Variants in PTK2 observed in about 807,000 individuals in gnomAD.
The protein encoded by PTK2 is focal adhesion kinase 1.
In PTK2, 45 loss-of-function variants were observed where a neutral mutation model predicts 150.1. The observed-to-expected ratio is 0.30, with a 90% CI of 0.24 to 0.38. PTK2 has a LOEUF of 0.38. Among genes scored for constraint, PTK2 ranks in the 10% least tolerant of loss-of-function variants. PTK2 has a pLI of 1.00. For missense variants in PTK2, 919 were observed against 1,307.3 expected (o/e 0.70, Z 4.58); for synonymous variants, 432 against 449.2 (o/e 0.96, Z 0.48).
intron 14 of PTK2, among the ~76,000 whole-genome samples, chr8:140,780,513 G>A (rs889920997): frequency 6.6e-6 from 1 of 152,110 alleles, no homozygotes; most frequent in African/African-American, 2.4e-5. Flanking sequence ...GCATCACAGA[G>A]ATGTAATCAG....
chr8:140,731,774 A>C (rs2100049524), intron 22 of PTK2, among the ~76,000 whole-genome samples: 1 of 152,086 alleles, frequency 6.6e-6, no homozygotes, highest in African/African-American at 2.4e-5. Flanking sequence ...TGTGGTGTGC[A>C]TGCCTGTAGT....
intron 5 of PTK2, among the ~76,000 whole-genome samples, chr8:140,849,781 TTA>T (rs1258302108): frequency 6.6e-6 from 1 of 152,240 alleles, no homozygotes; most frequent in Non-Finnish European, 1.5e-5. Context: ...ATTAGTCCTA[TTA>T]TATATAAAGA....
rs545538262 is a variant in PTK2, at chr8:140,987,814, TGGAGGATTGCTTG to T, written c.-122+13298_-122+13310del. Among the ~76,000 whole-genome samples the T allele has an allele frequency of 1.1e-4, 17 of 152,242 alleles. No homozygotes were observed. The East Asian group carries it at 2.5e-3, about 23-fold the overall frequency. ...CCCCAGCACTTTGGAATGCCAAGAC[TGGAGGATTGCTTG>T]AGCACAGGAGTTTGACACCAGCCTG... On this transcript the variant is annotated intron_variant, in intron 1 of 31. Coordinates refer to ENST00000522684, the Ensembl canonical transcript of PTK2.
At chr8:140,930,111 T>C (rs1196503905) in intron 1 of PTK2, among the ~76,000 whole-genome samples, 1 of 152,212 alleles carries the variant, frequency 6.6e-6, no homozygotes, top group African/African-American at 2.4e-5. Context: ...TTAAGGCAGT[T>C]TGAGGCTTAT....
chr8:140,885,234 T>C (rs1369926362), intron 3 of PTK2, among the ~76,000 whole-genome samples: 1 of 152,190 alleles, frequency 6.6e-6, no homozygotes, highest in Non-Finnish European at 1.5e-5. Context: ...TCAATATCTT[T>C]GTGGTTATTT....
chr8:140,897,180 T>C (rs1357159127), intron 2 of PTK2, among the ~76,000 whole-genome samples: 6 of 152,044 alleles, frequency 3.9e-5, no homozygotes, highest in African/African-American at 1.4e-4. Flanking sequence ...TACCACACAA[T>C]CCAAATATAC....
At chr8:140,796,434 C>T (rs1370672528) in intron 12 of PTK2, among the ~76,000 whole-genome samples, 1 of 152,188 alleles carries the variant, frequency 6.6e-6, no homozygotes, top group East Asian at 1.9e-4. Context: ...AGCACCACCA[C>T]CTTACTCACA....
chr8:140,797,862 G>A (rs1566594825), intron 12 of PTK2, among the ~76,000 whole-genome samples: 1 of 151,908 alleles, frequency 6.6e-6, no homozygotes, highest in Non-Finnish European at 1.5e-5. Flanking sequence ...GTCTTGCTAT[G>A]TGGCCCAGGA....
At chr8:140,805,395 C>T (rs2100097620) in intron 10 of PTK2, among the ~76,000 whole-genome samples, 1 of 151,912 alleles carries the variant, frequency 6.6e-6, no homozygotes, top group African/African-American at 2.4e-5. Flanking sequence ...CCCGTCACTA[C>T]TAAAAATACA....
intron 21 of PTK2, among the ~76,000 whole-genome samples, chr8:140,736,936 C>T (rs1025846429): frequency 3.9e-5 from 6 of 152,144 alleles, no homozygotes; most frequent in African/African-American, 1.4e-4. Flanking sequence ...AGAAGCAAAG[C>T]ATATTATCAT....
At chr8:140,799,104 G>T (rs2100093446) in intron 12 of PTK2, 1 of 152,188 alleles carries the variant, frequency 6.6e-6, no homozygotes, top group African/African-American at 2.4e-5. Context: ...CTTAGCGAAG[G>T]CTCATGGCTT....
chr8:140,683,788 T>G (rs1589949914), intron 27 of PTK2, among the ~76,000 whole-genome samples: 1 of 146,426 alleles, frequency 6.8e-6, no homozygotes, highest in Admixed American at 6.8e-5. Context: ...AAAAAAAGCT[T>G]CCAATAAAAT....
At chr8:140,699,722 T>A (rs1422111653) in intron 26 of PTK2, among the ~76,000 whole-genome samples, 1 of 152,208 alleles carries the variant, frequency 6.6e-6, no homozygotes, top group African/African-American at 2.4e-5. Flanking sequence ...ATGCTCATAT[T>A]TCTGAGCCCA....
intron 4 of PTK2, among the ~76,000 whole-genome samples, chr8:140,875,796 C>G (rs1311014159): frequency 1.3e-5 from 2 of 152,080 alleles, no homozygotes; most frequent in African/African-American, 4.8e-5. Flanking sequence ...TGATTTAATG[C>G]CCAAGGCAGG....
At chr8:140,674,898 A>AAAAAG (rs941946762) in intron 28 of PTK2, among the ~76,000 whole-genome samples, 4 of 150,114 alleles carry the variant, frequency 2.7e-5, no homozygotes, top group African/African-American at 7.3e-5. Flanking sequence ...ATTAAAAAAA[A>AAAAAG]AAAAGAAAAG....
intron 26 of PTK2, 38 bp from the exon 30 acceptor site, chr8:140,686,732 T>C: frequency 6.4e-7 from 1 of 1,567,454 alleles, no homozygotes. Flanking sequence ...AATTTCATTT[T>C]TGATTTGAAA....
intron 29 of PTK2, chr8:140,668,751 A>C: frequency 5.0e-6 from 1 of 199,934 alleles, no homozygotes; most frequent in Non-Finnish European, 1.0e-5. Flanking sequence ...CAAGATAATA[A>C]TCCATCTGGG....
chr8:140,739,951 G>A (rs1031948290), intron 20 of PTK2, among the ~76,000 whole-genome samples: 1 of 150,140 alleles, frequency 6.7e-6, no homozygotes, highest in African/African-American at 2.5e-5. Flanking sequence ...TATTGATTTT[G>A]GGAATTACAA....
rs869199304 is a variant in PTK2 at position 140,676,765 on chromosome 8, TAAAAAAAA to T, written c.2563-1274_2563-1267del. 4.7e-3 allele frequency among the ~76,000 whole-genome samples: 260 copies of T among 55,576 alleles called. 4 individuals are homozygous for T. Among genetic ancestry groups the T allele is most frequent in the African/African-American group, 0.019 (221 of 11,752 alleles). 36.5% of individuals were successfully genotyped at this position (55,576 alleles called of 152,430 possible). The stretch of plus-strand genomic sequence containing the variant: ...ACATGGTGAAACCCCGTCTCTACTT[TAAAAAAAA>T]AAAAAAAAAAAAAAAATAGCCAGGT... On this transcript the variant is annotated intron_variant, in intron 27 of 31. Transcript: ENST00000522684.
Sources: gnomAD v4.1 joint callset for allele counts (sites outside exome capture counted in the v4.1 genomes callset) on GRCh38, gnomAD v4.1.1 for gene constraint, MANE v1.5 for transcripts, NCBI Gene and HGNC (gene_info 2026-07-23, HGNC 2026-07-21) for gene names.